The following PCAT7 variants were observed in gnomAD, a reference collection of about 807,000 sequenced individuals.
PCAT7 encodes the protein prostate cancer associated transcript 7.
At chr9:94,573,531 A>T (rs1827289592) in intron 3 of PCAT7, among the ~76,000 whole-genome samples, 1 of 152,184 alleles carries the variant, frequency 6.6e-6, no homozygotes, top group South Asian at 2.1e-4. Flanking sequence ...TTTTTTAAAT[A>T]ATGAATGAGT....
rs1174386595 is a variant in PCAT7 at position 94,561,352 on chromosome 9, A to ATTTTTTTTTTT, written n.441+2218_441+2228dup. On this transcript the variant is annotated intron_variant and non_coding_transcript_variant, in intron 2 of 8. Coordinates refer to ENST00000647389, the Ensembl canonical transcript of PCAT7. ...GCAGGCCATGTGACATGTGACCTGT[A>ATTTTTTTTTTT]TTTTTTTTTTTTTTTTTTTTTTTTT... is the stretch of plus-strand genomic sequence containing the variant. Among the ~76,000 whole-genome samples the ATTTTTTTTTTT allele has an allele frequency of 1.2e-3, 66 of 54,986 alleles. 16 individuals are homozygous for ATTTTTTTTTTT. Among genetic ancestry groups the ATTTTTTTTTTT allele is most frequent in the Non-Finnish European group, 1.6e-3 (53 of 32,750 alleles). The allele number at this position is 54,986 out of a possible 152,430, so 36.1% of individuals were successfully genotyped here. A position where few individuals can be genotyped will look rare whatever the true frequency, so the allele number is the denominator to read the frequency against.
At chr9:94,565,388 A>AGG (rs1827171519) in intron 2 of PCAT7, among the ~76,000 whole-genome samples, 2 of 145,034 alleles carry the variant, frequency 1.4e-5, no homozygotes, top group Non-Finnish European at 3.0e-5. Context: ...AAAAAAAAAG[A>AGG]TGTTCCCAGT....
chr9:94,561,328 C>CA (rs1446728783), intron 2 of PCAT7, among the ~76,000 whole-genome samples: 2 of 149,390 alleles, frequency 1.3e-5, no homozygotes, highest in Non-Finnish European at 3.0e-5. Context: ...CCTTGGCCTG[C>CA]AGGCCATGTG....
chr9:94,567,439 G>T, intron 2 of PCAT7: 1 of 1,580,100 alleles, frequency 6.3e-7, no homozygotes, highest in Admixed American at 1.7e-5. Context: ...CCAGGAAGAA[G>T]AGAGAAGCCA....
At chr9:94,570,610 TC>T (rs1225459626) in intron 2 of PCAT7, 1 of 152,244 alleles carries the variant, frequency 6.6e-6, no homozygotes, top group Non-Finnish European at 1.5e-5. Context: ...CCATAGAATT[TC>T]TCAGGGTTTG....
intron 1 of PCAT7, among the ~76,000 whole-genome samples, chr9:94,558,267 G>A (rs999508961): frequency 1.3e-5 from 2 of 152,040 alleles, no homozygotes; most frequent in African/African-American, 4.8e-5. Flanking sequence ...AAGACACTAG[G>A]TTCAAATTTC....
chr9:94,555,538 T>C (rs1207947026), intron 1 of PCAT7, among the ~76,000 whole-genome samples: 3 of 126,566 alleles, frequency 2.4e-5, no homozygotes, highest in Non-Finnish European at 4.9e-5. Context: ...TATGGGTGGA[T>C]GAAGGGGGAA....
exon 2 of PCAT7, chr9:94,559,110 T>C (rs753566490): frequency 6.8e-6 from 11 of 1,612,958 alleles, no homozygotes; most frequent in Admixed American, 5.0e-5. Context: ...GGCCACGGGA[T>C]TGCATTCATA....
chr9:94,561,516 C>G (rs898979837), intron 2 of PCAT7, among the ~76,000 whole-genome samples: 3 of 152,028 alleles, frequency 2.0e-5, no homozygotes, highest in Non-Finnish European at 2.9e-5. Context: ...GCACATGCCA[C>G]CACGCCTGGC....
At chr9:94,569,803 A>G (rs1564182758) in intron 2 of PCAT7, 2 of 152,172 alleles carry the variant, frequency 1.3e-5, no homozygotes, top group Non-Finnish European at 2.9e-5. Flanking sequence ...TGCCTGAACA[A>G]TATGTGTGTT....
chr9:94,570,377 TACTC>T (rs757265044), intron 2 of PCAT7: 3 of 152,208 alleles, frequency 2.0e-5, no homozygotes, highest in East Asian at 1.9e-4. Context: ...TTGCGCAAGT[TACTC>T]ACTCTCTCTA....
intron 2 of PCAT7, among the ~76,000 whole-genome samples, chr9:94,566,734 A>C (rs1827195355): frequency 6.6e-6 from 1 of 152,320 alleles, no homozygotes; most frequent in Non-Finnish European, 1.5e-5. Flanking sequence ...AGACTGCCTT[A>C]AGATTAAATT....
Position 94,569,925 on chromosome 9 carries a change from A to G in PCAT7, n.442-3054A>G, listed in dbSNP as rs1430754122. On this transcript the variant is annotated intron_variant and non_coding_transcript_variant, in intron 2 of 8. Coordinates refer to ENST00000647389, the Ensembl canonical transcript of PCAT7. ...ACTGGCCGCCTTCCATGGCATTTCTATCTGTGACAACTGCCACAAGCTACC... is the reference window on the plus strand; with the variant it reads ...ACTGGCCGCCTTCCATGGCATTTCTGTCTGTGACAACTGCCACAAGCTACC... 3.9e-5 allele frequency: 6 copies of G among 152,212 alleles called. No homozygotes were observed. The East Asian group carries it at 1.2e-3, about 29-fold the overall frequency. The allele number at this position is 152,212 out of a possible 1,614,324, so 9.4% of individuals were successfully genotyped here. A position where few individuals can be genotyped will look rare whatever the true frequency, so the allele number is the denominator to read the frequency against.
chr9:94,566,644 T>C (rs1009319181), intron 2 of PCAT7, among the ~76,000 whole-genome samples: 1 of 152,218 alleles, frequency 6.6e-6, no homozygotes, highest in Non-Finnish European at 1.5e-5. Flanking sequence ...TTAATTCCTC[T>C]AGCTCTGCTG....
chr9:94,561,352 A>ATTCTTTTTTT (rs1827097968), intron 2 of PCAT7, among the ~76,000 whole-genome samples: 1 of 54,970 alleles, frequency 1.8e-5, no homozygotes, highest in Non-Finnish European at 3.1e-5. Context: ...TGTGACCTGT[A>ATTCTTTTTTT]TTTTTTTTTT....
rs1242929226 is a variant in PCAT7 at position 94,574,431 on chromosome 9, G to T, written n.512+1382G>T. On this transcript the variant is annotated intron_variant and non_coding_transcript_variant, in intron 3 of 8. Coordinates refer to ENST00000647389, the Ensembl canonical transcript of PCAT7. ...ATGAGTCAGGTAAAACCTTTTATATGTTTATTTTGACCATTTTTATTTTGT... is the reference window on the plus strand; with the variant it reads ...ATGAGTCAGGTAAAACCTTTTATATTTTTATTTTGACCATTTTTATTTTGT... Among the ~76,000 whole-genome samples, 3 of 151,912 alleles carry T rather than the reference G, an allele frequency of 2.0e-5. No homozygotes were observed. The East Asian group carries it at 5.8e-4, about 29-fold the overall frequency.
At chr9:94,555,992 TG>T (rs898817276) in intron 1 of PCAT7, among the ~76,000 whole-genome samples, 1 of 113,526 alleles carries the variant, frequency 8.8e-6, no homozygotes, top group African/African-American at 3.5e-5. Context: ...GGGGAAATTT[TG>T]GGGGGTAGAT....
At chr9:94,564,126 A>G (rs1449752652) in intron 2 of PCAT7, among the ~76,000 whole-genome samples, 4 of 152,198 alleles carry the variant, frequency 2.6e-5, no homozygotes, top group African/African-American at 7.2e-5. Flanking sequence ...CACTAGACCA[A>G]ATGGATCTGT....
At chr9:94,570,817 A>C (rs546608358) in intron 2 of PCAT7, 5 of 152,198 alleles carry the variant, frequency 3.3e-5, no homozygotes, top group Non-Finnish European at 7.3e-5. Context: ...CATGTGCACT[A>C]ACACGTGAAC....
Sources: gnomAD v4.1 joint callset for allele counts (sites outside exome capture counted in the v4.1 genomes callset) on GRCh38, gnomAD v4.1.1 for gene constraint, MANE v1.5 for transcripts, NCBI Gene and HGNC (gene_info 2026-07-23, HGNC 2026-07-21) for gene names.